The following ERBIN variants were observed in gnomAD, a reference collection of about 807,000 sequenced individuals.
ERBIN encodes the protein densin-180-like protein.
Under a neutral mutation model 158.4 loss-of-function variants are expected in ERBIN, and 60 were observed. That is an observed-to-expected ratio of 0.38 (90% confidence interval 0.31 to 0.47). The LOEUF (loss-of-function observed/expected upper bound fraction) is 0.47. ERBIN is among the 20% of genes least tolerant of loss of function. The pLI is 0.99. For synonymous variants in ERBIN, 594 were observed against 557.2 expected, an observed-to-expected ratio of 1.07 and a Z score of -0.93; for missense variants, 1,610 against 1,648.0, an observed-to-expected ratio of 0.98 and a Z score of 0.40.
At chr5:65,987,075 C>G (rs1027673762) in intron 1 of ERBIN, among the ~76,000 whole-genome samples, 2 of 152,110 alleles carry the variant, frequency 1.3e-5, no homozygotes, top group South Asian at 4.2e-4. Context: ...TCCCTTTTAT[C>G]AGGAAAGCAA....
At chr5:65,961,601 T>C (rs909468987) in intron 1 of ERBIN, among the ~76,000 whole-genome samples, 1 of 152,172 alleles carries the variant, frequency 6.6e-6, no homozygotes, top group Non-Finnish European at 1.5e-5. Flanking sequence ...TTAAAGTTAG[T>C]GAAAATGCTG....
intron 1 of ERBIN, among the ~76,000 whole-genome samples, chr5:65,941,583 A>AT (rs1391967956): frequency 6.6e-6 from 1 of 151,970 alleles, no homozygotes; most frequent in East Asian, 1.9e-4. Context: ...AATGACAGTT[A>AT]TTTTGAGCCT....
chr5:65,967,238 GAAA>G (rs924227436), intron 1 of ERBIN, among the ~76,000 whole-genome samples: 4 of 151,866 alleles, frequency 2.6e-5, no homozygotes, highest in Non-Finnish European at 5.9e-5. Flanking sequence ...TATTATTAAA[GAAA>G]AAAAATTTTA....
intron 7 of ERBIN, among the ~76,000 whole-genome samples, chr5:66,018,512 ATT>A (rs376539099): frequency 0.017 from 192 of 11,418 alleles, 61 homozygotes; most frequent in African/African-American, 0.091. Flanking sequence ...TATATTATAT[ATT>A]ATATAATATA....
chr5:66,049,997 T>A (rs1341804368), intron 19 of ERBIN, among the ~76,000 whole-genome samples: 2 of 152,034 alleles, frequency 1.3e-5, no homozygotes, highest in African/African-American at 4.8e-5. Flanking sequence ...ATTTGTTTGG[T>A]GATTATATGT....
intron 13 of ERBIN, among the ~76,000 whole-genome samples, chr5:66,027,576 TA>T (rs1756412399): frequency 6.6e-6 from 1 of 152,072 alleles, no homozygotes; most frequent in African/African-American, 2.4e-5. Context: ...TGTTATTCCC[TA>T]AACAATACAG....
chr5:65,982,844 T>C (rs1750800189), intron 1 of ERBIN, among the ~76,000 whole-genome samples: 1 of 152,222 alleles, frequency 6.6e-6, no homozygotes, highest in South Asian at 2.1e-4. Flanking sequence ...AACAGAAGCA[T>C]GTGTTCTTAT....
intron 14 of ERBIN, among the ~76,000 whole-genome samples, chr5:66,031,421 T>TATTAAAGTACTTAA (rs1166272290): frequency 6.6e-6 from 1 of 152,216 alleles, no homozygotes; most frequent in African/African-American, 2.4e-5. Context: ...TAATACAATG[T>TATTAAAGTACTTAA]GGTTAAAAGA....
At chr5:66,025,200 C>T (rs1756105229) in intron 10 of ERBIN, 2 of 383,846 alleles carry the variant, frequency 5.2e-6, no homozygotes, top group East Asian at 1.2e-4. Context: ...AGCAGAGCTA[C>T]AACAGTGAAC....
chr5:65,933,331 C>G (rs1296208991), intron 1 of ERBIN, among the ~76,000 whole-genome samples: 1 of 152,092 alleles, frequency 6.6e-6, no homozygotes, highest in Non-Finnish European at 1.5e-5. Flanking sequence ...GTTCCCAGCC[C>G]AATGAATCCT....
Position 66,044,148 on chromosome 5 carries a change from A to G in ERBIN, c.1440A>G (p.Leu480=). ...EREAPPREGN[L]KRYPTPYPDE... ...TTTTATTTCTCTAGGAGGGAAATTT[A>G]AAAAGATATCCAACACCATACCCAG... The change falls in exon 17 of 26, where the codon TTA becomes TTG. Residue 480 remains leucine (L), a synonymous_variant. Coordinates refer to ENST00000284037, the MANE Select transcript of ERBIN (RefSeq NM_001253697.2). 1 of 1,549,146 alleles carries G rather than the reference A, an allele frequency of 6.5e-7. No homozygotes were observed. The highest frequency in any genetic ancestry group is 1.2e-5 in the South Asian group (1 of 80,278).
At chr5:66,062,416 C>T (rs1024595104) in intron 21 of ERBIN, among the ~76,000 whole-genome samples, 2 of 152,200 alleles carry the variant, frequency 1.3e-5, no homozygotes, top group Non-Finnish European at 2.9e-5. Flanking sequence ...GACTTCTCTG[C>T]ATTGGTTATT....
intron 7 of ERBIN, among the ~76,000 whole-genome samples, chr5:66,015,847 A>G (rs369935682): frequency 6.6e-5 from 10 of 152,080 alleles, no homozygotes; most frequent in East Asian, 3.9e-4. Context: ...AAACAAACAA[A>G]CAAGCAAACT....
At chr5:65,990,766 T>A (rs904970799) in intron 2 of ERBIN, among the ~76,000 whole-genome samples, 200 of 134,318 alleles carry the variant, frequency 1.5e-3, no homozygotes, top group African/African-American at 5.0e-3. Context: ...AAAAAAAAAA[T>A]TTTTTTTTTT....
chr5:65,928,456 T>C (rs1742952344), intron 1 of ERBIN, among the ~76,000 whole-genome samples: 1 of 152,230 alleles, frequency 6.6e-6, no homozygotes, highest in Admixed American at 6.5e-5. Context: ...ATATGGCTTA[T>C]ACTTGGCTTC....
chr5:65,952,875 T>C (rs1469957369), intron 1 of ERBIN, among the ~76,000 whole-genome samples: 1 of 152,190 alleles, frequency 6.6e-6, no homozygotes, highest in African/African-American at 2.4e-5. Flanking sequence ...TTTGTGGGTC[T>C]AGGAACAAGA....
At chr5:66,022,459 C>T (rs1484086580) in intron 8 of ERBIN, among the ~76,000 whole-genome samples, 1 of 152,136 alleles carries the variant, frequency 6.6e-6, no homozygotes, top group African/African-American at 2.4e-5. Context: ...GGATTCTTAT[C>T]TATATTTATA....
chr5:65,931,361 T>C (rs1743353893), intron 1 of ERBIN, among the ~76,000 whole-genome samples: 1 of 152,198 alleles, frequency 6.6e-6, no homozygotes, highest in Non-Finnish European at 1.5e-5. Context: ...AATGGAAAGA[T>C]GACTGAATAA....
At chr5:65,964,010 A>G (rs931602372) in intron 1 of ERBIN, among the ~76,000 whole-genome samples, 2 of 152,120 alleles carry the variant, frequency 1.3e-5, no homozygotes, top group African/African-American at 4.8e-5. Context: ...CATGTTAGCC[A>G]GGATGGTCTT....
Sources: allele counts gnomAD v4.1 joint callset (sites outside exome capture counted in the v4.1 genomes callset), GRCh38; gene constraint gnomAD v4.1.1; transcripts MANE v1.5; gene names NCBI Gene and HGNC (gene_info 2026-07-23, HGNC 2026-07-21).